FBXW11: variants seen among roughly 807,000 people sequenced by gnomAD.
FBXW11 encodes F-box/WD repeat-containing protein 11.
Under a neutral mutation model 77.6 loss-of-function variants are expected in FBXW11, and 19 were observed. The ratio of observed to expected loss-of-function variants is 0.24; its 90% CI spans 0.17 to 0.36. FBXW11 has a LOEUF of 0.36. FBXW11 is among the 10% of genes least tolerant of loss of function. FBXW11 has a pLI of 1.00. For missense variants in FBXW11, 334 were observed against 704.2 expected (o/e 0.47, Z 5.95); for synonymous variants, 235 against 249.4 (o/e 0.94, Z 0.54).
At chr5:171,977,912 A>G (rs553764329) in intron 1 of FBXW11, among the ~76,000 whole-genome samples, 1 of 152,270 alleles carries the variant, frequency 6.6e-6, no homozygotes, top group African/African-American at 2.4e-5. Flanking sequence ...AACCATATCA[A>G]TTTGTAAACT....
At chr5:171,931,891 C>T in intron 2 of FBXW11, among the ~76,000 whole-genome samples, 1 of 128,542 alleles carries the variant, frequency 7.8e-6, no homozygotes, top group African/African-American at 2.9e-5. Flanking sequence ...CTCTCTCTCT[C>T]TCTCACAGGG....
chr5:171,873,273 T>G (rs546845913), intron 9 of FBXW11, among the ~76,000 whole-genome samples: 4 of 152,298 alleles, frequency 2.6e-5, no homozygotes, highest in East Asian at 3.9e-4. Context: ...AAACGCTCAT[T>G]TACCTGGAGG....
At position 171,921,194 on chromosome 5, in the gene FBXW11, A is replaced by G. The variant is rs146413627; in HGVS notation, c.148-6789T>C. Among the ~76,000 whole-genome samples the G allele has an allele frequency of 3.3e-5, 5 of 152,292 alleles. No homozygotes were observed. In the East Asian group the frequency reaches 9.6e-4, roughly 29 times the overall value. ...CAACGGAAGTGGTAGGCTGGTTCCA[A>G]TGACCTAGCCTCCAGTTTCATTTAG... On this transcript the variant is annotated intron_variant, in intron 2 of 13. Coordinates refer to ENST00000517395, the MANE Select transcript of FBXW11 (RefSeq NM_001378974.1).
chr5:171,861,745 AAT>A lies in FBXW11; in HGVS notation c.*2380_*2381del, dbSNP rs1459357395. 2 of 152,696 alleles carry A rather than the reference AAT, an allele frequency of 1.3e-5. No individual in the cohort carries two copies. Among genetic ancestry groups the A allele is most frequent in the Non-Finnish European group, 2.9e-5 (2 of 68,046 alleles). 9.5% of individuals were successfully genotyped at this position (152,696 alleles called of 1,614,324 possible). Reference sequence around the variant, plus strand: ...TCCACAGTACAAAGCTGTCATGAATAATATCTGTACAATTTAACAGTTTCAAT... The same window carrying A: ...TCCACAGTACAAAGCTGTCATGAATAATCTGTACAATTTAACAGTTTCAAT... On this transcript the variant is annotated 3_prime_UTR_variant, in exon 14 of 14. Coordinates refer to ENST00000517395, the MANE Select transcript of FBXW11 (RefSeq NM_001378974.1).
intron 2 of FBXW11, among the ~76,000 whole-genome samples, chr5:171,925,185 C>CCA (rs1412952872): frequency 8.5e-5 from 13 of 152,240 alleles, no homozygotes; most frequent in East Asian, 1.9e-4. Flanking sequence ...ATAAAAATTA[C>CCA]CACACACACA....
chr5:171,956,211 A>G (rs1469484311), intron 2 of FBXW11, among the ~76,000 whole-genome samples: 1 of 152,250 alleles, frequency 6.6e-6, no homozygotes, highest in African/African-American at 2.4e-5. Flanking sequence ...TATTATAATA[A>G]CGCAAATATC....
intron 1 of FBXW11, among the ~76,000 whole-genome samples, chr5:171,979,087 G>C (rs1581065206): frequency 6.6e-6 from 1 of 152,098 alleles, no homozygotes; most frequent in Non-Finnish European, 1.5e-5. Context: ...CTTAAAAAAA[G>C]TTAGAGACCA....
At chr5:171,969,864 C>G (rs1028042712) in intron 1 of FBXW11, among the ~76,000 whole-genome samples, 2 of 152,142 alleles carry the variant, frequency 1.3e-5, no homozygotes, top group African/African-American at 4.8e-5. Flanking sequence ...CCACCACACC[C>G]AGCTAATTTT....
intron 11 of FBXW11, 66 bp downstream of exon 11, chr5:171,870,682 T>A: frequency 8.2e-7 from 1 of 1,214,880 alleles, no homozygotes; most frequent in Non-Finnish European, 1.2e-6. Flanking sequence ...AGTTGCTTAA[T>A]ATATAACATT....
chr5:171,971,643 T>A (rs78486907), intron 1 of FBXW11, among the ~76,000 whole-genome samples: 3,273 of 151,800 alleles, frequency 0.022, 120 homozygotes, highest in African/African-American at 0.074. Flanking sequence ...AAAAAAAAAA[T>A]TTATTACATT....
chr5:171,875,799 T>C (rs1758040010), intron 9 of FBXW11, among the ~76,000 whole-genome samples: 1 of 152,174 alleles, frequency 6.6e-6, no homozygotes, highest in South Asian at 2.1e-4. Flanking sequence ...TTCATCATCA[T>C]ATCCCTAGCA....
intron 1 of FBXW11, among the ~76,000 whole-genome samples, chr5:172,004,561 T>C (rs1423786583): frequency 1.3e-5 from 2 of 152,222 alleles, no homozygotes; most frequent in African/African-American, 4.8e-5. Context: ...TTTCTTATAA[T>C]TCTTTTGAAA....
chr5:171,941,358 G>A (rs1368849051), intron 2 of FBXW11, among the ~76,000 whole-genome samples: 3 of 151,970 alleles, frequency 2.0e-5, no homozygotes, highest in Admixed American at 1.3e-4. Context: ...AAGTGTCAAG[G>A]TCGTGGAAGT....
chr5:171,881,871 C>A (rs1758530523), intron 7 of FBXW11, among the ~76,000 whole-genome samples: 1 of 152,098 alleles, frequency 6.6e-6, no homozygotes, highest in Non-Finnish European at 1.5e-5. Flanking sequence ...GGGAGTTGAT[C>A]ATATTATTTT....
chr5:171,878,764 G>C (rs1581136066), intron 7 of FBXW11, among the ~76,000 whole-genome samples: 1 of 151,918 alleles, frequency 6.6e-6, no homozygotes. Context: ...ACTCCGGCCT[G>C]GGCAACAAAG....
chr5:171,986,837 A>G (rs1008988717), intron 1 of FBXW11, among the ~76,000 whole-genome samples: 3 of 152,204 alleles, frequency 2.0e-5, no homozygotes, highest in African/African-American at 7.2e-5. Flanking sequence ...AGGGATCCCC[A>G]ACCCCAGGCT....
At chr5:171,982,268 T>C (rs1765188962) in intron 1 of FBXW11, among the ~76,000 whole-genome samples, 1 of 152,124 alleles carries the variant, frequency 6.6e-6, no homozygotes, top group African/African-American at 2.4e-5. Flanking sequence ...TTTATTTTTA[T>C]TTATTTATTT....
Position 171,876,138 on chromosome 5 carries a change from A to T in FBXW11, c.1221+147T>A. ...CTACCTTGCCTACAACTCTACAGAT[A>T]TACAGAGTGGGATGGCCTCAAGGGT... On this transcript the variant is annotated intron_variant, in intron 9 of 13. Transcript: ENST00000517395. The surrounding 1 kb of genome is among the most constrained non-coding windows in gnomAD (Gnocchi z 4.2). 1.1e-6 allele frequency: 1 copy of T among 883,386 alleles called. No individual in the cohort carries two copies. Among genetic ancestry groups the T allele is most frequent in the Admixed American group, 2.3e-5 (1 of 42,612 alleles). 54.7% of individuals were successfully genotyped at this position (883,386 alleles called of 1,614,324 possible).
At chr5:171,884,989 T>C (rs1004452486) in intron 7 of FBXW11, among the ~76,000 whole-genome samples, 2 of 152,212 alleles carry the variant, frequency 1.3e-5, no homozygotes, top group Non-Finnish European at 2.9e-5. Context: ...TGACTAGGTC[T>C]GAGTCTTTTA....
Sources: allele counts gnomAD v4.1 joint callset (sites outside exome capture counted in the v4.1 genomes callset), GRCh38; gene constraint gnomAD v4.1.1; non-coding constraint Gnocchi (gnomAD v3.1); transcripts MANE v1.5; gene names NCBI Gene and HGNC (gene_info 2026-07-23, HGNC 2026-07-21).